The following SOX5 variants were observed in gnomAD, a reference collection of about 807,000 sequenced individuals.
The protein encoded by SOX5 is SRY-box transcription factor 5, also known as transcription factor SOX-5.
SOX5 carries 9 observed loss-of-function variants against 92.0 expected under a neutral mutation model. That is an observed-to-expected ratio of 0.10 (90% confidence interval 0.06 to 0.17). The LOEUF is 0.17. Among genes scored for constraint, SOX5 ranks in the 10% least tolerant of loss-of-function variants. The probability of loss-of-function intolerance (pLI) is 1.00; values close to 1 mark genes in which losing one functional copy is unlikely to be tolerated. For missense variants in SOX5, 642 were observed against 944.5 expected (o/e 0.68, Z 4.20); for synonymous variants, 344 against 336.3 (o/e 1.02, Z -0.25).
At chr12:23,587,999 C>A (rs1193817032) in intron 9 of SOX5, among the ~76,000 whole-genome samples, 1 of 151,986 alleles carries the variant, frequency 6.6e-6, no homozygotes, top group Admixed American at 6.6e-5. Flanking sequence ...TTAATGATAA[C>A]CTCAATAGAG....
chr12:23,685,322 T>C (rs570243285), intron 6 of SOX5, among the ~76,000 whole-genome samples: 2 of 152,156 alleles, frequency 1.3e-5, no homozygotes, highest in South Asian at 2.1e-4. Context: ...AAATCCTAAG[T>C]ATAGTAAACA....
chr12:24,272,733 T>C (rs960280769), intron 3 of SOX5, among the ~76,000 whole-genome samples: 7 of 152,214 alleles, frequency 4.6e-5, no homozygotes, highest in African/African-American at 1.7e-4. Flanking sequence ...AATGATTACA[T>C]GATTAAATTT....
At chr12:24,206,755 T>C (rs193217491) in intron 4 of SOX5, among the ~76,000 whole-genome samples, 1 of 152,186 alleles carries the variant, frequency 6.6e-6, no homozygotes, top group African/African-American at 2.4e-5. Flanking sequence ...AACTGAAAGC[T>C]TTCCTGTGCA....
chr12:23,616,677 G>A (rs925847509), intron 8 of SOX5, among the ~76,000 whole-genome samples: 3 of 152,204 alleles, frequency 2.0e-5, no homozygotes, highest in African/African-American at 7.2e-5. Flanking sequence ...CCATATGAAG[G>A]AGAGCTAACA....
chr12:24,034,100 T>G (rs1955781317), intron 4 of SOX5, among the ~76,000 whole-genome samples: 3 of 152,058 alleles, frequency 2.0e-5, no homozygotes, highest in African/African-American at 7.2e-5. Context: ...CCAGGTAATT[T>G]TAATTTTCTC....
At chr12:24,550,370 T>A (rs1003120753) in intron 1 of SOX5, among the ~76,000 whole-genome samples, 3 of 152,168 alleles carry the variant, frequency 2.0e-5, no homozygotes, top group African/African-American at 7.2e-5. Flanking sequence ...TTCTGCTGGA[T>A]CTTCCTTATA....
intron 1 of SOX5, among the ~76,000 whole-genome samples, chr12:23,916,630 G>A (rs1171462772): frequency 1.3e-5 from 2 of 152,110 alleles, no homozygotes; most frequent in South Asian, 2.1e-4. Context: ...TAATCTAAGG[G>A]AAATTTATAC....
intron 1 of SOX5, among the ~76,000 whole-genome samples, chr12:24,448,221 C>A (rs948963184): frequency 6.6e-6 from 1 of 152,084 alleles, no homozygotes; most frequent in African/African-American, 2.4e-5. Context: ...ATATGAGATG[C>A]AACTAAAAGT....
intron 1 of SOX5, among the ~76,000 whole-genome samples, chr12:24,496,504 C>T (rs1258338030): frequency 3.9e-5 from 6 of 152,136 alleles, no homozygotes; most frequent in Non-Finnish European, 8.8e-5. Flanking sequence ...GACTGTCTGG[C>T]TCAGCTTACC....
At chr12:24,296,755 TA>T (rs1947293157) in intron 2 of SOX5, among the ~76,000 whole-genome samples, 1 of 148,744 alleles carries the variant, frequency 6.7e-6, no homozygotes, top group Non-Finnish European at 1.5e-5. Flanking sequence ...TTGTCCTAAC[TA>T]AGGCATTATC....
chr12:24,063,830 C>T (rs1313511894), intron 4 of SOX5, among the ~76,000 whole-genome samples: 1 of 152,170 alleles, frequency 6.6e-6, no homozygotes, highest in Non-Finnish European at 1.5e-5. Context: ...GTTTAGCCTA[C>T]TTAATCATTA....
intron 1 of SOX5, among the ~76,000 whole-genome samples, chr12:23,911,195 C>T (rs1156607342): frequency 1.3e-5 from 2 of 151,988 alleles, no homozygotes; most frequent in African/African-American, 2.4e-5. Flanking sequence ...AACATCTCAC[C>T]TTGCCTTTCC....
At chr12:24,368,878 T>G (rs1164564428) in intron 1 of SOX5, among the ~76,000 whole-genome samples, 2 of 152,228 alleles carry the variant, frequency 1.3e-5, no homozygotes, top group African/African-American at 4.8e-5. Context: ...ATATTACATA[T>G]CATTATACTC....
intron 4 of SOX5, among the ~76,000 whole-genome samples, chr12:24,098,610 C>T (rs952747617): frequency 1.3e-5 from 2 of 152,086 alleles, no homozygotes; most frequent in African/African-American, 4.8e-5. Context: ...TCTTGAATAT[C>T]AGAATAAATC....
chr12:23,601,398 C>T, intron 9 of SOX5, among the ~76,000 whole-genome samples: 1 of 152,094 alleles, frequency 6.6e-6, no homozygotes, highest in Non-Finnish European at 1.5e-5. Flanking sequence ...CACATCATCA[C>T]CTGGTTGTGA....
At chr12:23,980,173 TTTTG>T (rs772691526) in intron 4 of SOX5, among the ~76,000 whole-genome samples, 16 of 152,082 alleles carry the variant, frequency 1.1e-4, no homozygotes, top group Admixed American at 2.0e-4. Flanking sequence ...ATGATTCTTT[TTTTG>T]TTTGTTTGTT....
At chr12:23,596,090 C>T (rs1159040699) in intron 9 of SOX5, among the ~76,000 whole-genome samples, 3 of 152,070 alleles carry the variant, frequency 2.0e-5, no homozygotes, top group Non-Finnish European at 2.9e-5. Flanking sequence ...GCTTACATAC[C>T]TCTATAAATA....
chr12:24,218,471 T>TG (rs1164515094), intron 3 of SOX5, among the ~76,000 whole-genome samples: 1 of 152,144 alleles, frequency 6.6e-6, no homozygotes, highest in Non-Finnish European at 1.5e-5. Context: ...CCTAGAGTTA[T>TG]GGGGGAACAC....
At chr12:23,997,715 C>G (rs970901368) in intron 4 of SOX5, among the ~76,000 whole-genome samples, 1 of 152,144 alleles carries the variant, frequency 6.6e-6, no homozygotes, top group Non-Finnish European at 1.5e-5. Flanking sequence ...TAGAACTCTT[C>G]TTGGCTCAAA....
Sources: gnomAD v4.1 joint callset for allele counts (sites outside exome capture counted in the v4.1 genomes callset) on GRCh38, gnomAD v4.1.1 for gene constraint, MANE v1.5 for transcripts, NCBI Gene and HGNC (gene_info 2026-07-23, HGNC 2026-07-21) for gene names.